UBAP2: variants seen among roughly 807,000 people sequenced by gnomAD.
UBAP2 encodes the protein ubiquitin-associated protein 2.
A neutral mutation model predicts 139.6 loss-of-function variants in UBAP2; 75 were observed. The observed-to-expected ratio is 0.54, with a 90% CI of 0.45 to 0.65. The LOEUF is 0.65. Among genes scored for constraint, UBAP2 ranks in the 30% least tolerant of loss-of-function variants. UBAP2 has a pLI of 0.00. For missense variants in UBAP2, 1,368 were observed against 1,369.6 expected, an observed-to-expected ratio of 1.00 and a Z score of 0.02; for synonymous variants, 526 against 526.2, an observed-to-expected ratio of 1.00 and a Z score of 0.01.
intron 2 of UBAP2, among the ~76,000 whole-genome samples, chr9:34,010,125 A>G (rs867352188): frequency 0.059 from 1,105 of 18,576 alleles, 11 homozygotes; most frequent in African/African-American, 0.099. Flanking sequence ...TGTCTATTAA[A>G]AAAAAAAAAA....
At chr9:33,957,876 A>C (rs571414286) in intron 10 of UBAP2, among the ~76,000 whole-genome samples, 8 of 151,284 alleles carry the variant, frequency 5.3e-5, no homozygotes, top group East Asian at 1.9e-4. Flanking sequence ...TAAAAGTGCT[A>C]AATTGTTTAC....
At chr9:33,985,346 T>C (rs2131129228) in intron 6 of UBAP2, among the ~76,000 whole-genome samples, 1 of 152,236 alleles carries the variant, frequency 6.6e-6, no homozygotes, top group East Asian at 1.9e-4. Flanking sequence ...TTGGGAACTT[T>C]TCAAGTCCTC....
chr9:34,043,793 T>TC (rs1432890334), intron 1 of UBAP2, among the ~76,000 whole-genome samples: 1 of 148,046 alleles, frequency 6.8e-6, no homozygotes, highest in Non-Finnish European at 1.5e-5. Context: ...GGAGCCAGGC[T>TC]CCAACTTTTT....
At chr9:34,029,026 G>A (rs983020293) in intron 1 of UBAP2, among the ~76,000 whole-genome samples, 1 of 152,028 alleles carries the variant, frequency 6.6e-6, no homozygotes, top group African/African-American at 2.4e-5. Flanking sequence ...TGAGGTGGTA[G>A]GAATCCTTGA....
chr9:33,949,219 G>C (rs908411398), intron 12 of UBAP2, among the ~76,000 whole-genome samples: 4 of 151,702 alleles, frequency 2.6e-5, no homozygotes, highest in African/African-American at 9.7e-5. Flanking sequence ...AAAAAGTGAT[G>C]TCATAAGTTC....
intron 11 of UBAP2, among the ~76,000 whole-genome samples, chr9:33,955,875 C>T (rs940683800): frequency 2.7e-5 from 4 of 150,024 alleles, no homozygotes; most frequent in Non-Finnish European, 3.0e-5. Context: ...TCTGCAACAA[C>T]TGCTAACAAA....
chr9:33,971,653 G>A lies in UBAP2; in HGVS notation c.677C>T (p.Thr226Ile), dbSNP rs767183533. 3 of 1,584,762 alleles carry A rather than the reference G, an allele frequency of 1.9e-6. No homozygotes were observed. In the South Asian group the frequency reaches 3.3e-5, roughly 18 times the overall value. ...EAAQNGADEG[T>I]ELASNTHNIA... ...TCTGGCAAAAACAGAACACTTACCA[G>A]TTCCCTCATCTGCACCATTCTGAGC... The change falls in exon 8 of 29, where the codon ACT becomes ATT. Residue 226 changes from threonine to isoleucine, a missense_variant and splice_region_variant. Thr to Ile is a moderately conservative substitution (Grantham distance 89). Coordinates refer to ENST00000379238, the MANE Select transcript of UBAP2 (RefSeq NM_001370062.2).
intron 1 of UBAP2, among the ~76,000 whole-genome samples, chr9:34,040,708 G>A (rs1036303146): frequency 1.2e-4 from 18 of 152,136 alleles, no homozygotes; most frequent in African/African-American, 2.9e-4. Flanking sequence ...TAAAATGTTG[G>A]CAAGGATGTA....
chr9:33,935,623 CAGA>C (rs1222821356), intron 17 of UBAP2: 1 of 610,506 alleles, frequency 1.6e-6, no homozygotes, highest in African/African-American at 1.9e-5. Context: ...CTGATTAGGG[CAGA>C]AGAATATGAG....
At chr9:33,964,896 T>C (rs1400328491) in intron 8 of UBAP2, among the ~76,000 whole-genome samples, 3 of 152,210 alleles carry the variant, frequency 2.0e-5, no homozygotes, top group African/African-American at 4.8e-5. Flanking sequence ...GTACCTGTTA[T>C]TCCACAATCC....
chr9:33,945,984 T>A (rs1211194382), intron 13 of UBAP2, among the ~76,000 whole-genome samples: 1 of 152,244 alleles, frequency 6.6e-6, no homozygotes, highest in Admixed American at 6.5e-5. Context: ...ATATTTTGAA[T>A]TTTGATAAAT....
At chr9:33,929,255 G>A (rs980744690) in intron 19 of UBAP2, among the ~76,000 whole-genome samples, 1 of 152,162 alleles carries the variant, frequency 6.6e-6, no homozygotes, top group Non-Finnish European at 1.5e-5. Flanking sequence ...ATTCTCCATC[G>A]CTAAGAGATG....
In UBAP2 at chr9:33,922,489, C is replaced by T; in HGVS notation, c.*15G>A. ...CAGGATAAGCCTTGCCCCAGCCCACCCCTCTCTTCTGGGTTTAGTTTGTCC... is the reference window on the plus strand; with the variant it reads ...CAGGATAAGCCTTGCCCCAGCCCACTCCTCTCTTCTGGGTTTAGTTTGTCC... On this transcript the variant is annotated 3_prime_UTR_variant, in exon 29 of 29. Coordinates refer to ENST00000379238, the MANE Select transcript of UBAP2 (RefSeq NM_001370062.2). 6.2e-7 allele frequency: 1 copy of T among 1,612,098 alleles called. No individual in the cohort carries two copies. The highest frequency in any genetic ancestry group is 8.5e-7 in the Non-Finnish European group (1 of 1,178,962).
chr9:34,014,223 A>G (rs1167127064), intron 2 of UBAP2, among the ~76,000 whole-genome samples: 1 of 146,716 alleles, frequency 6.8e-6, no homozygotes, highest in Non-Finnish European at 1.5e-5. Context: ...GCTGCTGGGG[A>G]GGATAAGACA....
chr9:33,950,257 G>T (rs1425743300), intron 12 of UBAP2, among the ~76,000 whole-genome samples: 1 of 151,970 alleles, frequency 6.6e-6, no homozygotes, highest in East Asian at 1.9e-4. Context: ...ATTTTTAGTA[G>T]AGACGGGGTT....
chr9:33,926,357 A>G (rs921291926), intron 22 of UBAP2, among the ~76,000 whole-genome samples: 2 of 152,192 alleles, frequency 1.3e-5, no homozygotes, highest in African/African-American at 4.8e-5. Flanking sequence ...CCAACATTTA[A>G]CAGGGGACAT....
chr9:33,971,533 T>C, intron 8 of UBAP2, 118 bp downstream of exon 8: 1 of 680,488 alleles, frequency 1.5e-6, no homozygotes, highest in Non-Finnish European at 2.7e-6. Context: ...GGTAGGACAG[T>C]AGCCTGTTTT....
chr9:33,948,846 C>A, intron 12 of UBAP2: 1 of 397,572 alleles, frequency 2.5e-6, no homozygotes, highest in Non-Finnish European at 4.6e-6. Context: ...TTGAAGAAAT[C>A]AATTTTTAAA....
intron 6 of UBAP2, among the ~76,000 whole-genome samples, chr9:33,986,436 T>C (rs568442099): frequency 6.6e-6 from 1 of 152,290 alleles, no homozygotes; most frequent in East Asian, 1.9e-4. Flanking sequence ...AATAAAGTAT[T>C]TTTAAAATAA....
Sources: gnomAD v4.1 joint callset for allele counts (sites outside exome capture counted in the v4.1 genomes callset) on GRCh38, gnomAD v4.1.1 for gene constraint, MANE v1.5 for transcripts, NCBI Gene and HGNC (gene_info 2026-07-23, HGNC 2026-07-21) for gene names.